The following MBNL2 variants were observed in gnomAD, a reference collection of about 807,000 sequenced individuals.
The protein encoded by MBNL2 is muscleblind like splicing regulator 2.
MBNL2 carries 17 observed loss-of-function variants against 41.9 expected under a neutral mutation model. The observed-to-expected ratio is 0.41, with a 90% CI of 0.28 to 0.61. The LOEUF is 0.61. Among genes scored for constraint, MBNL2 ranks in the 20% least tolerant of loss-of-function variants. MBNL2 has a pLI of 0.35. For synonymous variants in MBNL2, 195 were observed against 182.9 expected, an observed-to-expected ratio of 1.07 and a Z score of -0.53; for missense variants, 336 against 505.6, an observed-to-expected ratio of 0.66 and a Z score of 3.22.
chr13:97,218,732 G>A (rs9584531), upstream of MBNL2, among the ~76,000 whole-genome samples: 2,192 of 151,374 alleles, frequency 0.014, 44 homozygotes, highest in African/African-American at 0.05. Flanking sequence ...GAAAAATAAG[G>A]AAAGAAGAAG....
At chr13:97,153,897 C>T in the MBNL2 span, among the ~76,000 whole-genome samples, 1 of 152,174 alleles carries the variant, frequency 6.6e-6, no homozygotes, top group Non-Finnish European at 1.5e-5. Context: ...TATATCACTC[C>T]TATCCTTTGA....
chr13:97,345,582 C>T (rs183131406), intron 4 of MBNL2, among the ~76,000 whole-genome samples: 11 of 151,994 alleles, frequency 7.2e-5, no homozygotes, highest in Middle Eastern at 3.4e-3. Flanking sequence ...TATCTCTTGC[C>T]GTATTTCTCT....
rs544490995 is a variant in MBNL2 at position 97,277,966 on chromosome 13, G to T, written c.174+1557G>T. ...CAATAGAAACATTCACTATGAAAAA[G>T]CAGTGTAGGCCGGGCATGGTGGCTC... On this transcript the variant is annotated intron_variant, in intron 2 of 8. Transcript: ENST00000679496. Among the ~76,000 whole-genome samples the T allele has an allele frequency of 8.5e-4, 129 of 152,162 alleles. 1 individual carries two copies. The highest frequency in any genetic ancestry group is 3.4e-3 in the Middle Eastern group (1 of 292).
chr13:97,143,159 C>T, the MBNL2 span, among the ~76,000 whole-genome samples: 2 of 152,116 alleles, frequency 1.3e-5, no homozygotes, highest in Admixed American at 6.6e-5. Flanking sequence ...AATAAAAAAT[C>T]CTAAAGGAAG....
chr13:97,330,785 G>A (rs1161205489), intron 2 of MBNL2, among the ~76,000 whole-genome samples: 1 of 152,114 alleles, frequency 6.6e-6, no homozygotes, highest in Non-Finnish European at 1.5e-5. Flanking sequence ...CAAATAGCTT[G>A]TTTTATTTTG....
chr13:97,310,414 ATTTCTTTTTTTTTTTCTTTTT>A (rs1190344106), intron 2 of MBNL2, among the ~76,000 whole-genome samples: 1 of 148,540 alleles, frequency 6.7e-6, no homozygotes, highest in Non-Finnish European at 1.5e-5. Context: ...TAGCCCTCCT[ATTTCTTTTTTTTTTTCTTTTT>A]TTTCTTTTTT....
chr13:97,195,892 A>G, the MBNL2 span, among the ~76,000 whole-genome samples: 3 of 152,300 alleles, frequency 2.0e-5, no homozygotes, highest in Admixed American at 6.5e-5. Context: ...TGCTGTATAC[A>G]TGTACTACAC....
At position 97,354,415 on chromosome 13, in the gene MBNL2, C is replaced by T. The variant is rs887857218; in HGVS notation, c.805-2381C>T. On this transcript the variant is annotated intron_variant, in intron 5 of 8. Transcript: ENST00000679496. ...TTCTACACATACCTGCTTCACAATG[C>T]GAGATGAACAACATGTTAATATGCA... 5.3e-5 allele frequency among the ~76,000 whole-genome samples: 8 copies of T among 152,238 alleles called. No individual in the cohort carries two copies. In the East Asian group the frequency reaches 1.3e-3, roughly 26 times the overall value.
intron 2 of MBNL2, among the ~76,000 whole-genome samples, chr13:97,278,251 C>CAA (rs10606011): frequency 2.7e-4 from 11 of 40,530 alleles, no homozygotes; most frequent in African/African-American, 4.5e-4. Context: ...GAGACTGTCT[C>CAA]AAAAAAAAAA....
intron 8 of MBNL2, among the ~76,000 whole-genome samples, chr13:97,381,838 T>C (rs1285798559): frequency 6.6e-6 from 1 of 151,738 alleles, no homozygotes; most frequent in Non-Finnish European, 1.5e-5. Flanking sequence ...TTATGTTACA[T>C]ATTATATTAA....
chr13:97,256,778 T>C (rs2047632000), intron 1 of MBNL2, among the ~76,000 whole-genome samples: 1 of 152,236 alleles, frequency 6.6e-6, no homozygotes, highest in East Asian at 1.9e-4. Context: ...TATAGGGTTG[T>C]ATAAGCTGTT....
At chr13:97,313,963 T>TA (rs1206616445) in intron 2 of MBNL2, among the ~76,000 whole-genome samples, 2 of 152,158 alleles carry the variant, frequency 1.3e-5, no homozygotes, top group African/African-American at 4.8e-5. Flanking sequence ...CTAATACATT[T>TA]AAAAAATATG....
At chr13:97,226,050 AAACT>A (rs910147330) in intron 1 of MBNL2, among the ~76,000 whole-genome samples, 80 of 152,094 alleles carry the variant, frequency 5.3e-4, no homozygotes, top group African/African-American at 1.8e-3. Context: ...AAATGTGCAC[AAACT>A]ATTTGTTGCA....
At position 97,356,869 on chromosome 13, in the gene MBNL2, T is replaced by A. The variant is rs778199531; in HGVS notation, c.858+20T>A. The A allele has an allele frequency of 2.2e-6, 3 of 1,349,024 alleles. No individual in the cohort carries two copies. The highest frequency in any genetic ancestry group is 1.2e-5 in the South Asian group (1 of 86,274). 83.6% of individuals were successfully genotyped at this position (1,349,024 alleles called of 1,614,324 possible). ...GACCTGGTACTTTGACCTTTCACCT[T>A]TCGCTTTGCATGTAGCTTTTCAGAG... is the stretch of plus-strand genomic sequence containing the variant. On this transcript the variant is annotated intron_variant, in intron 6 of 8. Coordinates refer to ENST00000679496, the MANE Select transcript of MBNL2 (RefSeq NM_001382683.1).
At chr13:97,293,723 C>T (rs531356090) in intron 2 of MBNL2, among the ~76,000 whole-genome samples, 3 of 152,168 alleles carry the variant, frequency 2.0e-5, no homozygotes, top group South Asian at 2.1e-4. Flanking sequence ...TCCTGAGTCT[C>T]GTACCTTTTT....
intron 1 of MBNL2, among the ~76,000 whole-genome samples, chr13:97,262,281 C>A (rs1021364685): frequency 3.3e-5 from 5 of 152,174 alleles, no homozygotes; most frequent in African/African-American, 1.2e-4. Context: ...ACAGAAACCA[C>A]CCCCTTGAAA....
chr13:97,158,539 A>G, the MBNL2 span, among the ~76,000 whole-genome samples: 1 of 151,534 alleles, frequency 6.6e-6, no homozygotes, highest in Non-Finnish European at 1.5e-5. Context: ...ATTTAGTGCT[A>G]TAAATTTCCC....
chr13:97,316,137 G>C (rs1469966946), intron 2 of MBNL2, among the ~76,000 whole-genome samples: 1 of 152,132 alleles, frequency 6.6e-6, no homozygotes, highest in Non-Finnish European at 1.5e-5. Context: ...CGTGCTTTCT[G>C]CACCTCGACT....
chr13:97,166,871 T>A, the MBNL2 span, among the ~76,000 whole-genome samples: 4 of 139,156 alleles, frequency 2.9e-5, no homozygotes, highest in African/African-American at 1.1e-4. Context: ...TCCTATTAGT[T>A]CTGTCCCTCT....
Sources: gnomAD v4.1 joint callset for allele counts (sites outside exome capture counted in the v4.1 genomes callset) on GRCh38, gnomAD v4.1.1 for gene constraint, MANE v1.5 for transcripts, NCBI Gene and HGNC (gene_info 2026-07-23, HGNC 2026-07-21) for gene names.